The following PPIL2 variants were observed in gnomAD, a reference collection of about 807,000 sequenced individuals.
PPIL2 encodes RING-type E3 ubiquitin-protein ligase PPIL2.
In PPIL2, 50 loss-of-function variants were observed where a neutral mutation model predicts 75.2. The ratio of observed to expected loss-of-function variants is 0.66; its 90% CI spans 0.53 to 0.84. PPIL2 has a LOEUF of 0.84. Ranked by LOEUF, PPIL2 falls within the 40% of genes least tolerant of loss-of-function variation. The pLI is 0.00. For missense variants in PPIL2, 590 were observed against 685.0 expected, an observed-to-expected ratio of 0.86 and a Z score of 1.55; for synonymous variants, 245 against 258.8, an observed-to-expected ratio of 0.95 and a Z score of 0.51.
rs202088712 is a variant in PPIL2, at chr22:21,694,941, C to T, written c.1337C>T (p.Ala446Val). Residue 446 changes from alanine (A) to valine (V), a missense_variant, in exon 19 of 20, where the codon GCG becomes GTG. Transcript: ENST00000398831. ...CAGCGCCCTGTTGTGCCACAGATTG[C>T]GCAGGAGCGGAAGACACAGCTCAAG... Reference protein sequence around the residue: ...DPYEEADAQIAQERKTQLKVA... With the variant: ...DPYEEADAQIVQERKTQLKVA... The T allele has an allele frequency of 4.5e-5, 73 of 1,613,154 alleles. No individual in the cohort carries two copies. Among genetic ancestry groups the T allele is most frequent in the Non-Finnish European group, 6.1e-5 (72 of 1,179,622 alleles).
chr22:21,668,212 C>T (rs2066470361), intron 1 of PPIL2, among the ~76,000 whole-genome samples: 1 of 152,246 alleles, frequency 6.6e-6, no homozygotes, highest in South Asian at 2.1e-4. Context: ...CAAGAGAACC[C>T]CAGGAAAACC....
At chr22:21,692,401 A>T (rs371768316) in intron 15 of PPIL2, among the ~76,000 whole-genome samples, 49 of 150,734 alleles carry the variant, frequency 3.3e-4, no homozygotes, top group South Asian at 8.4e-4. Flanking sequence ...TGATCCGCCC[A>T]CCTTGGCCTC....
Position 21,696,690 on chromosome 22 carries a change from C to G in PPIL2, c.*1200C>G. ...TCTAGTTCTTCACACTAAGCCCTAACTTAGGCCTTGTTCTTGGTTTTCTCA... is the reference window on the plus strand; with the variant it reads ...TCTAGTTCTTCACACTAAGCCCTAAGTTAGGCCTTGTTCTTGGTTTTCTCA... On this transcript the variant is annotated 3_prime_UTR_variant, in exon 20 of 20. Coordinates refer to ENST00000398831, the MANE Select transcript of PPIL2 (RefSeq NM_014337.4). The G allele has an allele frequency of 6.5e-6, 10 of 1,534,528 alleles. No homozygotes were observed. The highest frequency in any genetic ancestry group is 8.7e-6 in the Non-Finnish European group (10 of 1,146,008).
rs12484369 is a variant in PPIL2, at chr22:21,695,128, G to A, written c.1466+58G>A. 7,627 of 1,504,478 alleles carry A rather than the reference G, an allele frequency of 5.1e-3. 630 individuals are homozygous for A. The Admixed American group carries it at 0.14, about 29-fold the overall frequency. The allele number at this position is 1,504,478 out of a possible 1,614,324, so 93.2% of individuals were successfully genotyped here. ...CATGGTGTTTCCTAGGGCTGACTGA[G>A]GTCTGAGGGTCAGACCCAGAGGGGC... On this transcript the variant is annotated intron_variant, in intron 19 of 19. Transcript: ENST00000398831.
rs768546400 is a variant in PPIL2 at position 21,682,518 on chromosome 22, A to G, written c.469A>G (p.Thr157Ala). The G allele has an allele frequency of 6.3e-7, 1 of 1,591,998 alleles. No individual in the cohort carries two copies. Among genetic ancestry groups the G allele is most frequent in the Non-Finnish European group, 8.5e-7 (1 of 1,170,490 alleles). ...GCCCTTCTCCCGGCAGGACATCATC[A>G]CCCTCCAGGTGAGTGTCCCCTGCCT... ...DEPFSRQDII[T>A]LQDPTNLDKF... The change falls in exon 8 of 20, where the codon ACC (threonine) becomes GCC (alanine). Residue 157 changes from threonine to alanine, a missense_variant. Coordinates refer to ENST00000398831, the MANE Select transcript of PPIL2 (RefSeq NM_014337.4).
chr22:21,675,246 A>T, intron 6 of PPIL2, 131 bp downstream of exon 6: 1 of 884,508 alleles, frequency 1.1e-6, no homozygotes, highest in Non-Finnish European at 1.8e-6. Flanking sequence ...TTCCGCAAAA[A>T]GTGTCACAGG....
chr22:21,666,030 C>T lies in PPIL2; in HGVS notation c.-70C>T. 1.3e-6 allele frequency: 2 copies of T among 1,559,914 alleles called. No homozygotes were observed. The highest frequency in any genetic ancestry group is 1.7e-6 in the Non-Finnish European group (2 of 1,144,824). On this transcript the variant is annotated 5_prime_UTR_variant, in exon 1 of 20. Transcript: ENST00000398831. ...ACCCGGAAGTGGTCACGGAACTCGG[C>T]TGCGGCTCCATGGTCTGAGTTGTCA... is the stretch of plus-strand genomic sequence containing the variant.
At chr22:21,669,847 A>C (rs2066561005) in intron 1 of PPIL2, 66 bp from the exon 2 acceptor site, 1 of 1,491,092 alleles carries the variant, frequency 6.7e-7, no homozygotes. Context: ...AAGATTACTC[A>C]CTTCCAAAGA....
chr22:21,671,127 C>A, intron 4 of PPIL2, 68 bp downstream of exon 4: 2 of 1,432,872 alleles, frequency 1.4e-6, no homozygotes, highest in Non-Finnish European at 2.0e-6. Flanking sequence ...GAAGGGGACC[C>A]TTGGTACCCT....
rs1399668638 is a variant in PPIL2 at position 21,694,954 on chromosome 22, G to C, written c.1350G>C (p.Lys450Asn). 6.2e-7 allele frequency: 1 copy of C among 1,613,864 alleles called. No individual in the cohort carries two copies. Among genetic ancestry groups the C allele is most frequent in the East Asian group, 2.2e-5 (1 of 44,874 alleles). Residue 450 changes from lysine to asparagine, a missense_variant, in exon 19 of 20, where the codon AAG (lysine) becomes AAC (asparagine). Physicochemically the swap from Lys to Asn is moderately conservative, Grantham distance 94. Transcript: ENST00000398831. The part of the protein sequence containing the change: ...EADAQIAQER[K>N]TQLKVAPETK... Reference sequence around the variant, plus strand: ...TGCCACAGATTGCGCAGGAGCGGAAGACACAGCTCAAGGTAGCCCCGGAGA... The same window carrying C: ...TGCCACAGATTGCGCAGGAGCGGAACACACAGCTCAAGGTAGCCCCGGAGA...
intron 6 of PPIL2, among the ~76,000 whole-genome samples, chr22:21,677,696 AGC>A (rs879446111): frequency 0.3 from 45,763 of 152,006 alleles, 7,104 homozygotes; most frequent in Non-Finnish European, 0.35. Flanking sequence ...GGGGAGCGGG[AGC>A]GGGAGAGGGA....
chr22:21,688,735 G>A lies in PPIL2; in HGVS notation c.1025G>A (p.Gly342Glu), dbSNP rs1361937997. The change falls in exon 15 of 20, where the codon GGG becomes GAG. Residue 342 changes from glycine (G) to glutamate (E), a missense_variant. Coordinates refer to ENST00000398831, the MANE Select transcript of PPIL2 (RefSeq NM_014337.4). ...GGDPTGTGTGGESYWGKPFKD... is the reference protein window; with the variant it reads ...GGDPTGTGTGEESYWGKPFKD... The stretch of plus-strand genomic sequence containing the variant: ...CCCATGGGCCTTTCTCTTCCAGGTG[G>A]GGAGTCATACTGGGGGAAGCCCTTC... 1 of 1,614,000 alleles carries A rather than the reference G, an allele frequency of 6.2e-7. No individual in the cohort carries two copies. Among genetic ancestry groups the A allele is most frequent in the African/African-American group, 1.3e-5 (1 of 74,950 alleles).
intron 2 of PPIL2, 160 bp from the exon 3 acceptor site, chr22:21,670,405 GT>G: frequency 6.8e-7 from 1 of 1,477,770 alleles, no homozygotes; most frequent in Non-Finnish European, 9.1e-7. Context: ...TACCCCAAGT[GT>G]TTTGGTTTAT....
At chr22:21,675,481 A>G (rs1299882689) in intron 6 of PPIL2, among the ~76,000 whole-genome samples, 4 of 152,158 alleles carry the variant, frequency 2.6e-5, no homozygotes, top group Non-Finnish European at 4.4e-5. Context: ...GGTTGCAGTG[A>G]GCCAAGATGG....
rs2066560560 is a variant in PPIL2 at position 21,669,828 on chromosome 22, G to A, written c.33-85G>A. 3.6e-6 allele frequency: 5 copies of A among 1,376,956 alleles called. No individual in the cohort carries two copies. The South Asian group carries it at 5.8e-5, about 16-fold the overall frequency. The allele number at this position is 1,376,956 out of a possible 1,614,324, so 85.3% of individuals were successfully genotyped here. A position where few individuals can be genotyped will look rare whatever the true frequency, so the allele number is the denominator to read the frequency against. ...AGTAGGTATTTAGTAAGCATTTGCT[G>A]AGTAAGCAAAGATTACTCACTTCCA... On this transcript the variant is annotated intron_variant, in intron 1 of 19. Transcript: ENST00000398831.
chr22:21,674,587 G>A (rs192573623), intron 5 of PPIL2, among the ~76,000 whole-genome samples: 13 of 152,244 alleles, frequency 8.5e-5, no homozygotes, highest in African/African-American at 3.1e-4. Context: ...TGTAGTCCTA[G>A]CTACTCGGGA....
rs1254820887 is a variant in PPIL2, at chr22:21,675,049, CTG to C, written c.244-12_244-11del. The C allele has an allele frequency of 6.3e-7, 1 of 1,598,280 alleles. No individual in the cohort carries two copies. Among genetic ancestry groups the C allele is most frequent in the South Asian group, 1.1e-5 (1 of 90,684 alleles). On this transcript the variant is annotated splice_polypyrimidine_tract_variant and intron_variant, in intron 5 of 19. Transcript: ENST00000398831. ...CTTATTCATTATCATTAATTATTAA[CTG>C]TGCTTCTTCCAGAAGCTGGACGGGA... is the stretch of plus-strand genomic sequence containing the variant.
chr22:21,690,535 G>C (rs2067574899), intron 15 of PPIL2, among the ~76,000 whole-genome samples: 1 of 152,212 alleles, frequency 6.6e-6, no homozygotes, highest in Non-Finnish European at 1.5e-5. Context: ...TCGCTGTGCT[G>C]ACCTTTTTTT....
At chr22:21,692,196 C>G (rs1413218704) in intron 15 of PPIL2, among the ~76,000 whole-genome samples, 1 of 151,826 alleles carries the variant, frequency 6.6e-6, no homozygotes, top group Non-Finnish European at 1.5e-5. Flanking sequence ...CGCTCCGTCC[C>G]CCAGGCTGGA....
Sources: gnomAD v4.1 joint callset for allele counts (sites outside exome capture counted in the v4.1 genomes callset) on GRCh38, gnomAD v4.1.1 for gene constraint, MANE v1.5 for transcripts, NCBI Gene and HGNC (gene_info 2026-07-23, HGNC 2026-07-21) for gene names.